The following SIRPD variants were observed in gnomAD, a reference collection of about 807,000 sequenced individuals.
SIRPD encodes signal-regulatory protein delta.
A neutral mutation model predicts 18.0 loss-of-function variants in SIRPD; 21 were observed. That is an observed-to-expected ratio of 1.17 (90% CI 0.83 to 1.68). The LOEUF (loss-of-function observed/expected upper bound fraction) is 1.68, where lower values mean the gene tolerates loss of function less well. SIRPD is among the 40% of genes most tolerant of loss of function. SIRPD has a pLI of 0.00. For missense variants in SIRPD, 295 were observed against 238.4 expected, an observed-to-expected ratio of 1.24 and a Z score of -1.56; for synonymous variants, 106 against 92.9, an observed-to-expected ratio of 1.14 and a Z score of -0.81.
intron 2 of SIRPD, among the ~76,000 whole-genome samples, chr20:1,548,546 C>T (rs73077000): frequency 0.036 from 5,479 of 152,030 alleles, 150 homozygotes; most frequent in Non-Finnish European, 0.054. Context: ...TGTCCATATA[C>T]GTAAGATATA....
At chr20:1,548,662 C>T (rs1372429449) in intron 2 of SIRPD, among the ~76,000 whole-genome samples, 2 of 151,972 alleles carry the variant, frequency 1.3e-5, no homozygotes, top group Non-Finnish European at 2.9e-5. Flanking sequence ...TCTTGAAATG[C>T]TCCATTATTT....
At chr20:1,546,515 T>C (rs1568668511) in intron 2 of SIRPD, among the ~76,000 whole-genome samples, 1 of 152,272 alleles carries the variant, frequency 6.6e-6, no homozygotes, top group African/African-American at 2.4e-5. Flanking sequence ...GGATTGTTTC[T>C]ACCTTTCAGA....
Position 1,540,946 on chromosome 20 carries a change from T to G in SIRPD, c.422-3636A>C, listed in dbSNP as rs550359347. On this transcript the variant is annotated intron_variant, in intron 2 of 3. Transcript: ENST00000381623. The stretch of plus-strand genomic sequence containing the variant: ...AGAATGATGGTTTCAGCTTCATCCA[T>G]GTCCCTGGAAAGGACATAAACTCAT... Among the ~76,000 whole-genome samples, 5 of 152,346 alleles carry G rather than the reference T, an allele frequency of 3.3e-5. No homozygotes were observed. In the South Asian group the frequency reaches 1.0e-3, roughly 32 times the overall value.
intron 2 of SIRPD, among the ~76,000 whole-genome samples, chr20:1,539,974 A>T (rs1202476960): frequency 1.3e-5 from 2 of 152,168 alleles, no homozygotes; most frequent in Admixed American, 6.5e-5. Context: ...CTCAACCTAA[A>T]CTATGTCTAG....
Position 1,552,035 on chromosome 20 carries a change from A to G in SIRPD, c.77T>C (p.Val26Ala). Reference sequence around the variant, plus strand: ...TTGTTGCACATGGAACACATGTGTGACTCCTGGAAAAAAGCTGAAAATCAT... The same window carrying G: ...TTGTTGCACATGGAACACATGTGTGGCTCCTGGAAAAAAGCTGAAAATCAT... ...LLYLLLELAG[V>A]THVFHVQQTE... Residue 26 changes from valine to alanine, a missense_variant, in exon 2 of 4, where the codon GTC becomes GCC. Val to Ala is a moderately conservative substitution (Grantham distance 64). Transcript: ENST00000381623. 1.2e-6 allele frequency: 2 copies of G among 1,608,924 alleles called. No homozygotes were observed. Among genetic ancestry groups the G allele is most frequent in the Non-Finnish European group, 1.7e-6 (2 of 1,176,610 alleles).
intron 2 of SIRPD, 54 bp downstream of exon 2, chr20:1,551,637 C>T: frequency 7.4e-7 from 1 of 1,351,084 alleles, no homozygotes; most frequent in Middle Eastern, 1.9e-4. Flanking sequence ...GAAGACATAA[C>T]TGCTGAGATG....
At chr20:1,551,208 T>C (rs1460967211) in intron 2 of SIRPD, among the ~76,000 whole-genome samples, 1 of 152,248 alleles carries the variant, frequency 6.6e-6, no homozygotes, top group Non-Finnish European at 1.5e-5. Flanking sequence ...TCTGCATTCA[T>C]CTAGACTTTT....
intron 2 of SIRPD, among the ~76,000 whole-genome samples, chr20:1,538,654 C>T (rs2090958009): frequency 6.6e-6 from 1 of 152,152 alleles, no homozygotes; most frequent in Non-Finnish European, 1.5e-5. Context: ...ACCTTGCCAC[C>T]ATGCTATGAG....
At position 1,551,601 on chromosome 20, in the gene SIRPD, G is replaced by A. The variant is rs1007781893; in HGVS notation, c.421+90C>T. ...GTATGTTGTACCTTCAATAATATTT[G>A]GCACATAGCAATTATTGAATGAATA... On this transcript the variant is annotated intron_variant, in intron 2 of 3. Transcript: ENST00000381623. 5.2e-6 allele frequency: 5 copies of A among 957,318 alleles called. No homozygotes were observed. In the South Asian group the frequency reaches 8.2e-5, roughly 16 times the overall value. 59.3% of individuals were successfully genotyped at this position (957,318 alleles called of 1,614,324 possible).
intron 2 of SIRPD, among the ~76,000 whole-genome samples, chr20:1,545,006 CTT>C (rs887765627): frequency 6.6e-6 from 1 of 152,190 alleles, no homozygotes; most frequent in Non-Finnish European, 1.5e-5. Flanking sequence ...ATGGGCTTCT[CTT>C]TGTGGGTAAC....
At chr20:1,557,319 G>A (rs749297811) in intron 1 of SIRPD, among the ~76,000 whole-genome samples, 3 of 152,184 alleles carry the variant, frequency 2.0e-5, no homozygotes, top group Non-Finnish European at 1.5e-5. Flanking sequence ...GAGGGTGAGA[G>A]CTGTGATGGA....
intron 2 of SIRPD, among the ~76,000 whole-genome samples, chr20:1,545,816 T>C (rs2123133404): frequency 6.6e-6 from 1 of 152,268 alleles, no homozygotes; most frequent in African/African-American, 2.4e-5. Flanking sequence ...CTCATCCTTT[T>C]TGTTGATGTT....
chr20:1,534,475 A>C lies in SIRPD; in HGVS notation c.578-34T>G, dbSNP rs779763324. ...CAATAAAAATAAAATAAAATAAAACATTTCTCCCTCCTGCAAGCTAAGAGC... is the reference window on the plus strand; with the variant it reads ...CAATAAAAATAAAATAAAATAAAACCTTTCTCCCTCCTGCAAGCTAAGAGC... On this transcript the variant is annotated intron_variant, in intron 3 of 3. Transcript: ENST00000381623. 3 of 1,580,446 alleles carry C rather than the reference A, an allele frequency of 1.9e-6. No homozygotes were observed. The South Asian group carries it at 3.4e-5, about 18-fold the overall frequency.
chr20:1,556,242 G>A (rs574858944), intron 1 of SIRPD, among the ~76,000 whole-genome samples: 2 of 151,974 alleles, frequency 1.3e-5, no homozygotes, highest in East Asian at 3.9e-4. Flanking sequence ...TCACCTTACA[G>A]TCTGTGTACC....
intron 2 of SIRPD, among the ~76,000 whole-genome samples, chr20:1,546,951 TCCCATTCTGTGGGTTATCTTTTTA>T (rs2090996127): frequency 6.6e-6 from 1 of 152,222 alleles, no homozygotes; most frequent in South Asian, 2.1e-4. Flanking sequence ...CAAATATTTT[TCCCATTCTGTGGGTTATCTTTTTA>T]CTTTCTTGAT....
At chr20:1,537,460 C>A in intron 2 of SIRPD, 150 bp from the exon 3 acceptor site, 1 of 938,624 alleles carries the variant, frequency 1.1e-6, no homozygotes, top group Non-Finnish European at 1.6e-6. Flanking sequence ...ATAAGGGTCC[C>A]AAGGTGCTTG....
At chr20:1,535,886 T>C (rs2090943132) in intron 3 of SIRPD, among the ~76,000 whole-genome samples, 1 of 152,212 alleles carries the variant, frequency 6.6e-6, no homozygotes. Context: ...CACTCAGGAC[T>C]GTGCTCATAG....
At chr20:1,552,936 T>C (rs1343301284) in intron 1 of SIRPD, among the ~76,000 whole-genome samples, 1 of 152,172 alleles carries the variant, frequency 6.6e-6, no homozygotes, top group Non-Finnish European at 1.5e-5. Flanking sequence ...GAAACATTAC[T>C]GGGAAGGTCA....
rs181132168 is a variant in SIRPD at position 1,535,017 on chromosome 20, G to A, written c.578-576C>T. ...TACAATATAGAAAAGTTTGATGCAT[G>A]GCCCATGTCCAAGAATAGGAGTGAG... On this transcript the variant is annotated intron_variant, in intron 3 of 3. Transcript: ENST00000381623. Among the ~76,000 whole-genome samples, 420 of 152,274 alleles carry A rather than the reference G, an allele frequency of 2.8e-3. 5 individuals are homozygous for A. Among genetic ancestry groups the A allele is most frequent in the Admixed American group, 0.021 (324 of 15,294 alleles).
Sources: allele counts gnomAD v4.1 joint callset (sites outside exome capture counted in the v4.1 genomes callset), GRCh38; gene constraint gnomAD v4.1.1; transcripts MANE v1.5; gene names NCBI Gene and HGNC (gene_info 2026-07-23, HGNC 2026-07-21).